ADAMTS7: variants seen among roughly 807,000 people sequenced by gnomAD.
ADAMTS7 encodes A disintegrin and metalloproteinase with thrombospondin motifs 7.
A neutral mutation model predicts 172.6 loss-of-function variants in ADAMTS7; 89 were observed. That is an observed-to-expected ratio of 0.52 (90% CI 0.43 to 0.61). The LOEUF (loss-of-function observed/expected upper bound fraction) is 0.61. Among genes scored for constraint, ADAMTS7 ranks in the 20% least tolerant of loss-of-function variants. ADAMTS7 has a pLI of 0.00. For missense variants in ADAMTS7, 1,973 were observed against 2,355.6 expected, an observed-to-expected ratio of 0.84 and a Z score of 3.36; for synonymous variants, 885 against 978.4, an observed-to-expected ratio of 0.90 and a Z score of 1.78.
chr15:78,774,931 C>T, intron 11 of ADAMTS7, 138 bp from the exon 12 acceptor site: 1 of 1,121,194 alleles, frequency 8.9e-7, no homozygotes, highest in Non-Finnish European at 1.2e-6. Flanking sequence ...CTGCTCCCCT[C>T]CCTTGGGCTG....
At chr15:78,795,682 C>A (rs1019023254) in intron 4 of ADAMTS7, among the ~76,000 whole-genome samples, 3 of 152,202 alleles carry the variant, frequency 2.0e-5, no homozygotes, top group Admixed American at 2.0e-4. Flanking sequence ...CCCCAACAAC[C>A]CAGCCCAGGA....
At chr15:78,780,231 C>T (rs985051464) in intron 8 of ADAMTS7, among the ~76,000 whole-genome samples, 1 of 151,020 alleles carries the variant, frequency 6.6e-6, no homozygotes, top group Non-Finnish European at 1.5e-5. Flanking sequence ...TTCCCCTCCA[C>T]GCCCCTCCTT....
intron 14 of ADAMTS7, among the ~76,000 whole-genome samples, chr15:78,772,468 T>C (rs2055267139): frequency 6.6e-6 from 1 of 152,216 alleles, no homozygotes; most frequent in Non-Finnish European, 1.5e-5. Context: ...TGGCCCTGCC[T>C]TCCCTTCTTG....
Position 78,759,696 on chromosome 15 carries a change from A to G in ADAMTS7, c.4904-118T>C, listed in dbSNP as rs1276998058. 3.8e-5 allele frequency: 49 copies of G among 1,284,242 alleles called. No homozygotes were observed. The Admixed American group carries it at 8.0e-4, about 21-fold the overall frequency. 79.6% of individuals were successfully genotyped at this position (1,284,242 alleles called of 1,614,324 possible). A position where few individuals can be genotyped will look rare whatever the true frequency, so the allele number is the denominator to read the frequency against. The stretch of plus-strand genomic sequence containing the variant: ...AGCTCCCCACCAAGCAGAGAGCCCC[A>G]GTTTCTGGAGCGGCTCCCGAACCGG... On this transcript the variant is annotated intron_variant, in intron 23 of 23. Transcript: ENST00000388820.
At chr15:78,767,273 C>T in intron 18 of ADAMTS7, 106 bp downstream of exon 18, 3 of 1,419,864 alleles carry the variant, frequency 2.1e-6, no homozygotes, top group Non-Finnish European at 2.9e-6. Context: ...CCTGGAATGC[C>T]CAGGTTCCCT....
rs532789956 is a variant in ADAMTS7 at position 78,765,918 on chromosome 15, T to A, written c.3993A>T (p.Ala1331=). ...GPGSWDLQTV[A]VWGTFLPTTL... is the part of the protein sequence containing the mutation. ...TTGTGGGGAGGAAGGTCCCCCACAC[T>A]GCCACAGTCTGCAGGTCCCATGAGC... is the stretch of plus-strand genomic sequence containing the variant. The change falls in exon 19 of 24, where the codon GCA becomes GCT. Residue 1331 remains alanine (A), a synonymous_variant. Transcript: ENST00000388820. 1 of 1,581,372 alleles carries A rather than the reference T, an allele frequency of 6.3e-7. No individual in the cohort carries two copies. Among genetic ancestry groups the A allele is most frequent in the East Asian group, 2.4e-5 (1 of 42,074 alleles).
At position 78,777,201 on chromosome 15, in the gene ADAMTS7, C is replaced by T. The variant is rs941371111; in HGVS notation, c.1467+243G>A. 9.1e-5 allele frequency: 55 copies of T among 603,016 alleles called. No individual in the cohort carries two copies. In the Admixed American group the frequency reaches 1.4e-3, roughly 15 times the overall value. The allele number at this position is 603,016 out of a possible 1,614,324, so 37.4% of individuals were successfully genotyped here. A position where few individuals can be genotyped will look rare whatever the true frequency, so the allele number is the denominator to read the frequency against. On this transcript the variant is annotated intron_variant, in intron 9 of 23. Transcript: ENST00000388820. ...CTCTTATAAGCCAGCTCCAGAGAGG[C>T]GAAGGGACTTGTCCGAAGGGTCACA...
chr15:78,763,896 C>T (rs2055092530), intron 21 of ADAMTS7, 30 bp downstream of exon 21: 2 of 1,563,216 alleles, frequency 1.3e-6, no homozygotes, highest in Non-Finnish European at 1.7e-6. Flanking sequence ...GAGGGCGTCC[C>T]CTCCCCCCAA....
chr15:78,776,508 A>C (rs2055348218), intron 10 of ADAMTS7, 175 bp from the exon 11 acceptor site: 8 of 1,024,608 alleles, frequency 7.8e-6, no homozygotes, highest in South Asian at 6.5e-5. Flanking sequence ...CACATGGAGG[A>C]GCTGAGCGGG....
chr15:78,810,973 C>G, intron 1 of ADAMTS7, 148 bp downstream of exon 1: 1 of 893,434 alleles, frequency 1.1e-6, no homozygotes, highest in South Asian at 5.8e-5. Context: ...ACTACTGTCC[C>G]CTAATACCCA....
rs1420424740 is a variant in ADAMTS7 at position 78,771,405 on chromosome 15, A to T, written c.2377-102T>A. On this transcript the variant is annotated intron_variant, in intron 15 of 23. Transcript: ENST00000388820. This position sits in a 1 kb window ranked among gnomAD's most constrained non-coding sequence, Gnocchi z 4.9. ...CACCTCTGTGAACTGCAGCTACAAG[A>T]TTGGGCCATTTTAAAGATGGGGAAA... 2 of 1,579,408 alleles carry T rather than the reference A, an allele frequency of 1.3e-6. No homozygotes were observed. Among genetic ancestry groups the T allele is most frequent in the South Asian group, 1.1e-5 (1 of 87,770 alleles).
intron 16 of ADAMTS7, among the ~76,000 whole-genome samples, chr15:78,770,233 A>C (rs1400532212): frequency 6.6e-6 from 1 of 151,814 alleles, no homozygotes; most frequent in Non-Finnish European, 1.5e-5. Context: ...CAGCTGTATT[A>C]GATAAAATGG....
chr15:78,804,155 G>A, intron 1 of ADAMTS7, among the ~76,000 whole-genome samples: 1 of 152,108 alleles, frequency 6.6e-6, no homozygotes, highest in East Asian at 1.9e-4. Flanking sequence ...CCCCCAAATG[G>A]TTTCAGTCTC....
chr15:78,790,658 C>T lies in ADAMTS7; in HGVS notation c.1028+12G>A, dbSNP rs139681871. On this transcript the variant is annotated intron_variant, in intron 6 of 23. Transcript: ENST00000388820. ...TGAGATGCAGGCTCCCACCCTCCTGCGGCTGCAGTACCTGGTGAGCAGGAT... is the reference window on the plus strand; with the variant it reads ...TGAGATGCAGGCTCCCACCCTCCTGTGGCTGCAGTACCTGGTGAGCAGGAT... The T allele has an allele frequency of 6.0e-4, 968 of 1,612,814 alleles. 4 individuals are homozygous for T. The African/African-American group carries it at 0.012, about 19-fold the overall frequency.
chr15:78,776,354 A>G (rs1243758294), intron 10 of ADAMTS7, 21 bp from the exon 11 acceptor site: 12 of 1,604,512 alleles, frequency 7.5e-6, no homozygotes, highest in Non-Finnish European at 1.0e-5. Flanking sequence ...AGACGGAGGT[A>G]GAGCCACCCC....
At chr15:78,789,624 C>A in intron 7 of ADAMTS7, 65 bp downstream of exon 7, 2 of 1,588,874 alleles carry the variant, frequency 1.3e-6, no homozygotes, top group Admixed American at 1.7e-5. Context: ...GCTGGATACC[C>A]GGTGCCCCCA....
Position 78,762,537 on chromosome 15 carries a change from TG to T in ADAMTS7, c.4768del (p.Gln1590SerfsTer125). 1 of 1,563,390 alleles carries T rather than the reference TG, an allele frequency of 6.4e-7. No individual in the cohort carries two copies. Among genetic ancestry groups the T allele is most frequent in the Non-Finnish European group, 8.7e-7 (1 of 1,155,296 alleles). On this transcript the variant is annotated frameshift_variant, in exon 23 of 24. Coordinates refer to ENST00000388820, the MANE Select transcript of ADAMTS7 (RefSeq NM_014272.5). LOFTEE classifies it high-confidence loss of function. ...QCSGPCGGGVQRRLVKCVNTQ... is the reference protein window; with the variant it reads ...QCSGPCGGGVXRRLVKCVNTQ... ...GTTGACACACTTGACCAGGCGCCGC[TG>T]GACACCACCACCACAGGGGCCTGAG... is the stretch of plus-strand genomic sequence containing the variant.
intron 1 of ADAMTS7, among the ~76,000 whole-genome samples, chr15:78,802,062 C>T (rs145078680): frequency 1.3e-5 from 2 of 152,092 alleles, no homozygotes; most frequent in African/African-American, 4.8e-5. Context: ...GTCTCGAACT[C>T]CAGGTCTCAA....
Position 78,763,565 on chromosome 15 carries a change from C to A in ADAMTS7, c.4740+134G>T. The A allele has an allele frequency of 3.3e-6, 4 of 1,220,670 alleles. 1 individual carries two copies. The South Asian group carries it at 8.5e-5, about 26-fold the overall frequency. 75.6% of individuals were successfully genotyped at this position (1,220,670 alleles called of 1,614,324 possible). ...CTGGCAGGTGTGAGCACCAGCCGGG[C>A]GGGGCCTCGTCCAGTGACAGGGCCA... On this transcript the variant is annotated intron_variant, in intron 22 of 23. Coordinates refer to ENST00000388820, the MANE Select transcript of ADAMTS7 (RefSeq NM_014272.5).
Sources: gnomAD v4.1 joint callset for allele counts (sites outside exome capture counted in the v4.1 genomes callset) on GRCh38, gnomAD v4.1.1 for gene constraint, Gnocchi (gnomAD v3.1) non-coding constraint, MANE v1.5 for transcripts, NCBI Gene and HGNC (gene_info 2026-07-23, HGNC 2026-07-21) for gene names.